Variants in GSN observed in about 807,000 individuals in gnomAD.
The protein encoded by GSN is actin-depolymerizing factor.
A neutral mutation model predicts 85.7 loss-of-function variants in GSN; 56 were observed. The ratio of observed to expected loss-of-function variants is 0.65; its 90% CI spans 0.53 to 0.82. The LOEUF (loss-of-function observed/expected upper bound fraction) is 0.82, where lower values mean the gene tolerates loss of function less well. Ranked by LOEUF, GSN falls within the 40% of genes least tolerant of loss-of-function variation. The pLI is 0.00. For synonymous variants in GSN, 373 were observed against 399.1 expected (o/e 0.93, Z 0.78); for missense variants, 857 against 979.8 (o/e 0.87, Z 1.67).
Position 121,303,013 on chromosome 9 carries a change from G to A in GSN, c.299G>A (p.Gly100Asp). ...GRAVQHREVQ[G>D]FESATFLGYF... ...GCCGTGCAGCACCGTGAGGTCCAGG[G>A]CTTCGAGTCGGCCACCTTCCTAGGC... Residue 100 changes from glycine (G) to aspartate (D), a missense_variant, in exon 4 of 18, where the codon GGC becomes GAC. Gly to Asp is a moderately conservative substitution (Grantham distance 94). Transcript: ENST00000432226. 6.2e-7 allele frequency: 1 copy of A among 1,614,018 alleles called. No homozygotes were observed. The highest frequency in any genetic ancestry group is 8.5e-7 in the Non-Finnish European group (1 of 1,180,036).
rs183208352 is a variant in GSN, at chr9:121,238,456, T to C, written c.-389+7153T>C. Among the ~76,000 whole-genome samples, 184 of 152,346 alleles carry C rather than the reference T, an allele frequency of 1.2e-3. 1 individual carries two copies. The highest frequency in any genetic ancestry group is 4.2e-3 in the African/African-American group (174 of 41,586). On this transcript the variant is annotated intron_variant, in intron 5 of 24. Transcript: ENST00000373823. ...TCCAGGTTCTTCAGCTTTGGGACTC[T>C]TGGTCCTTCGACCACAGACTAAAAG...
chr9:121,315,203 G>T (rs1438373509), intron 7 of GSN, among the ~76,000 whole-genome samples: 1 of 152,140 alleles, frequency 6.6e-6, no homozygotes, highest in South Asian at 2.1e-4. Flanking sequence ...TCATGCTGTT[G>T]TGTGGTCTTT....
intron 10 of GSN, among the ~76,000 whole-genome samples, chr9:121,319,094 G>A (rs1276440909): frequency 2.0e-5 from 3 of 152,358 alleles, no homozygotes; most frequent in Middle Eastern, 3.4e-3. Context: ...GGAGTGCCTG[G>A]TCTGGGAGGG....
intron 4 of GSN, among the ~76,000 whole-genome samples, chr9:121,215,343 T>C (rs1588408515): frequency 2.6e-5 from 4 of 152,088 alleles, no homozygotes; most frequent in Admixed American, 1.3e-4. Flanking sequence ...ATCATTTTTT[T>C]TTCTTTTTGT....
intron 5 of GSN, chr9:121,238,247 T>C (rs916129201): frequency 6.5e-6 from 1 of 152,684 alleles, no homozygotes; most frequent in Non-Finnish European, 1.5e-5. Context: ...TGCCAAAGGA[T>C]GTTAACATTT....
rs2060177921 is a variant in GSN at position 121,304,204 on chromosome 9, GA to G, written c.351+1142del. Among the ~76,000 whole-genome samples the G allele has an allele frequency of 1.3e-5, 2 of 152,156 alleles. 1 individual carries two copies. The highest frequency in any genetic ancestry group is 4.1e-4 in the South Asian group (2 of 4,830). On this transcript the variant is annotated intron_variant, in intron 4 of 17. Coordinates refer to ENST00000432226, the MANE Select transcript of GSN (RefSeq NM_198252.3). ...TGAGGCATAAGAGATTGAATGATGGGAAAGTGCCAGTGAGACTCAGATAGCA... is the reference window on the plus strand; with the variant it reads ...TGAGGCATAAGAGATTGAATGATGGGAAGTGCCAGTGAGACTCAGATAGCA...
intron 5 of GSN, 87 bp downstream of exon 5, chr9:121,310,932 A>G: frequency 8.0e-7 from 1 of 1,257,654 alleles, no homozygotes; most frequent in Non-Finnish European, 1.2e-6. Context: ...GAACAAATGC[A>G]TAGATGCAGG....
At chr9:121,262,328 A>G (rs2055105069) in intron 6 of GSN, among the ~76,000 whole-genome samples, 1 of 152,252 alleles carries the variant, frequency 6.6e-6, no homozygotes, top group South Asian at 2.1e-4. Context: ...AAGCTTAAGC[A>G]GATTACTTAT....
chr9:121,211,496 C>A (rs780775735), intron 4 of GSN, among the ~76,000 whole-genome samples: 7 of 152,282 alleles, frequency 4.6e-5, no homozygotes, highest in Non-Finnish European at 8.8e-5. Context: ...GTAGCTGATA[C>A]TGCTTATAAA....
intron 11 of GSN, among the ~76,000 whole-genome samples, chr9:121,322,866 T>G (rs979489830): frequency 6.6e-6 from 1 of 151,176 alleles, no homozygotes; most frequent in Non-Finnish European, 1.5e-5. Context: ...GGTCTTGCTC[T>G]GTTGGCCAGG....
chr9:121,310,952 C>G (rs2061054807), intron 5 of GSN, 107 bp downstream of exon 5: 1 of 959,382 alleles, frequency 1.0e-6, no homozygotes. Context: ...GTGGGCAAAC[C>G]ACAGGGACCA....
upstream of GSN, among the ~76,000 whole-genome samples, chr9:121,265,936 C>T (rs184914023): frequency 6.3e-3 from 964 of 152,254 alleles, 4 homozygotes; most frequent in Non-Finnish European, 9.3e-3. Context: ...AGCAAAGCAC[C>T]AGGAGATTTC....
Position 121,327,441 on chromosome 9 carries a change from T to A in GSN, c.1721T>A (p.Leu574Gln). Residue 574 changes from leucine to glutamine, a missense_variant, in exon 14 of 18, where the codon CTG becomes CAG. By Grantham distance (113) the Leu-to-Gln change is moderately radical. Coordinates refer to ENST00000432226, the MANE Select transcript of GSN (RefSeq NM_198252.3). ...GGGGCCCAGGAGCTGCTCAGGGTGC[T>A]GCGGGCCCAACCTGTGCAGGTGGCA... ...KTGAQELLRV[L>Q]RAQPVQVAEG... is the part of the protein sequence containing the mutation. The A allele has an allele frequency of 1.2e-6, 2 of 1,600,852 alleles. No homozygotes were observed. Among genetic ancestry groups the A allele is most frequent in the Non-Finnish European group, 1.7e-6 (2 of 1,173,294 alleles).
chr9:121,299,793 G>T lies in GSN; in HGVS notation c.-9-2170G>T. ...GGTCCCCGGCTTGGGCGGGATGGGCGGGCGGCTACTTAAGGTCGGCGACCC... is the reference window on the plus strand; with the variant it reads ...GGTCCCCGGCTTGGGCGGGATGGGCTGGCGGCTACTTAAGGTCGGCGACCC... On this transcript the variant is annotated intron_variant, in intron 2 of 17. Transcript: ENST00000432226. The surrounding 1 kb of genome is among the most constrained non-coding windows in gnomAD (Gnocchi z 4.2). 1 of 1,251,508 alleles carries T rather than the reference G, an allele frequency of 8.0e-7. No homozygotes were observed. Among genetic ancestry groups the T allele is most frequent in the Non-Finnish European group, 1.0e-6 (1 of 991,398 alleles). The allele number at this position is 1,251,508 out of a possible 1,614,324, so 77.5% of individuals were successfully genotyped here. A position where few individuals can be genotyped will look rare whatever the true frequency, so the allele number is the denominator to read the frequency against.
At chr9:121,288,652 G>A (rs1364086559) in intron 2 of GSN, among the ~76,000 whole-genome samples, 2 of 152,238 alleles carry the variant, frequency 1.3e-5, no homozygotes, top group East Asian at 1.9e-4. Context: ...TGATAGGGCT[G>A]GGAGTCCATC....
chr9:121,320,293 C>T (rs1289130245), intron 10 of GSN, among the ~76,000 whole-genome samples: 3 of 152,228 alleles, frequency 2.0e-5, no homozygotes, highest in African/African-American at 7.2e-5. Flanking sequence ...GGAGACCTGC[C>T]AGCAGGGGTC....
At chr9:121,330,290 G>C (rs922481320) in intron 16 of GSN, among the ~76,000 whole-genome samples, 2 of 152,206 alleles carry the variant, frequency 1.3e-5, no homozygotes, top group Non-Finnish European at 2.9e-5. Context: ...AAGTAAGAGA[G>C]GGCCAGACAT....
chr9:121,217,596 GC>G (rs1340708772), intron 4 of GSN, among the ~76,000 whole-genome samples: 3 of 151,568 alleles, frequency 2.0e-5, no homozygotes, highest in Non-Finnish European at 4.4e-5. Context: ...TTGGATTAGG[GC>G]CCACCCTAGT....
At chr9:121,305,968 G>C (rs886337801) in intron 4 of GSN, among the ~76,000 whole-genome samples, 3 of 152,174 alleles carry the variant, frequency 2.0e-5, no homozygotes, top group African/African-American at 7.2e-5. Flanking sequence ...GGGCAGGGAG[G>C]GGACAGCAAG....
Sources: gnomAD v4.1 joint callset for allele counts (sites outside exome capture counted in the v4.1 genomes callset) on GRCh38, gnomAD v4.1.1 for gene constraint, Gnocchi (gnomAD v3.1) non-coding constraint, MANE v1.5 for transcripts, NCBI Gene and HGNC (gene_info 2026-07-23, HGNC 2026-07-21) for gene names.